Variants in ALG1 observed in about 807,000 individuals in gnomAD.
ALG1 encodes ALG1 chitobiosyldiphosphodolichol beta-mannosyltransferase.
ALG1 carries 58 observed loss-of-function variants against 55.1 expected under a neutral mutation model. The observed-to-expected ratio is 1.05, with a 90% CI of 0.85 to 1.31. ALG1 has a LOEUF of 1.31. Among genes scored for constraint, ALG1 ranks in the 50% most tolerant of loss-of-function variants. The pLI, the probability that ALG1 is intolerant of heterozygous loss-of-function variation, is 0.00. For missense variants in ALG1, 761 were observed against 598.6 expected, an observed-to-expected ratio of 1.27 and a Z score of -2.83; for synonymous variants, 309 against 247.0, an observed-to-expected ratio of 1.25 and a Z score of -2.35.
intron 1 of ALG1, 168 bp downstream of exon 1, chr16:5,072,225 G>C (rs148815333): frequency 6.6e-7 from 1 of 1,518,068 alleles, no homozygotes; most frequent in African/African-American, 1.4e-5. Context: ...TGGGTCTCTA[G>C]GTATAGCCGG....
chr16:5,082,503 G>A, intron 10 of ALG1, 56 bp from the exon 11 acceptor site: 5 of 1,570,470 alleles, frequency 3.2e-6, no homozygotes, highest in Non-Finnish European at 4.4e-6. Flanking sequence ...GTGCTGGGAG[G>A]ATTTGTGTTC....
intron 9 of ALG1, 60 bp downstream of exon 9, chr16:5,079,867 G>A (rs985646220): frequency 1.7e-5 from 26 of 1,565,050 alleles, no homozygotes; most frequent in Admixed American, 1.5e-4. Context: ...GGAGGGGCAC[G>A]CAGCCTTTAC....
At chr16:5,072,823 G>A (rs909226048) in intron 1 of ALG1, 128 bp from the exon 2 acceptor site, 4 of 903,418 alleles carry the variant, frequency 4.4e-6, no homozygotes, top group East Asian at 2.4e-5. Context: ...TGGCTAGTGA[G>A]GAGCAGAGAG....
chr16:5,072,424 C>G (rs1275175157), intron 1 of ALG1: 3 of 469,864 alleles, frequency 6.4e-6, no homozygotes, highest in Admixed American at 7.6e-5. Context: ...TCCCTCAACG[C>G]AGAGCTCTGC....
intron 12 of ALG1, among the ~76,000 whole-genome samples, chr16:5,084,130 TC>T (rs943927642): frequency 6.6e-6 from 1 of 152,166 alleles, no homozygotes; most frequent in African/African-American, 2.4e-5. Context: ...GTTACTTGTT[TC>T]TTATTGCAAA....
rs1957103569 is a variant in ALG1 at position 5,084,967 on chromosome 16, C to T, written c.*86C>T. 1 of 1,590,566 alleles carries T rather than the reference C, an allele frequency of 6.3e-7. No homozygotes were observed. Among genetic ancestry groups the T allele is most frequent in the Non-Finnish European group, 8.5e-7 (1 of 1,174,570 alleles). Reference sequence around the variant, plus strand: ...GAGTCTCAGGGCAAACCCTTTCGAGCAGCACCTCCCAGTGGCCAGAAGCTG... The same window carrying T: ...GAGTCTCAGGGCAAACCCTTTCGAGTAGCACCTCCCAGTGGCCAGAAGCTG... On this transcript the variant is annotated 3_prime_UTR_variant, in exon 13 of 13. Transcript: ENST00000262374.
rs376537060 is a variant in ALG1 at position 5,086,043 on chromosome 16, G to A, written c.*1162G>A. Among the ~76,000 whole-genome samples the A allele has an allele frequency of 1.3e-5, 2 of 152,308 alleles. No individual in the cohort carries two copies. Among genetic ancestry groups the A allele is most frequent in the East Asian group, 1.9e-4 (1 of 5,174 alleles). On this transcript the variant is annotated 3_prime_UTR_variant, in exon 13 of 13. Transcript: ENST00000262374. The stretch of plus-strand genomic sequence containing the variant: ...GAATAGTCAACCCACTCTTCACAAA[G>A]CTTAGAAAGCGGCCGGGCACAGTGG...
intron 6 of ALG1, 62 bp downstream of exon 6, chr16:5,078,079 C>T: frequency 6.4e-7 from 1 of 1,561,460 alleles, no homozygotes. Context: ...CTCTCCCCTT[C>T]TCACTGCAGA....
In ALG1 at chr16:5,072,022, T is replaced by G. The variant is rs1956825061; in HGVS notation, c.173T>G (p.Met58Arg). The stretch of plus-strand genomic sequence containing the variant: ...CAGTACCACGCGCTGTCGTTGGCCA[T>G]GCACGGCTTCTCGGTGACCCTCCTG... ...RMQYHALSLA[M>R]HGFSVTLLGF... The change falls in exon 1 of 13, where the codon ATG becomes AGG. Residue 58 changes from methionine to arginine, a missense_variant. Transcript: ENST00000262374. 1 of 1,596,848 alleles carries G rather than the reference T, an allele frequency of 6.3e-7. No individual in the cohort carries two copies. The highest frequency in any genetic ancestry group is 8.5e-7 in the Non-Finnish European group (1 of 1,171,388).
At position 5,072,992 on chromosome 16, in the gene ALG1, C is replaced by G. The variant is rs777851656; in HGVS notation, c.250C>G (p.Gln84Glu). 8.1e-6 allele frequency: 13 copies of G among 1,614,200 alleles called. No individual in the cohort carries two copies. In the South Asian group the frequency reaches 1.3e-4, roughly 16 times the overall value. The change falls in exon 2 of 13, where the codon CAG becomes GAG. Residue 84 changes from glutamine (Q) to glutamate (E), a missense_variant. By Grantham distance (29) the Gln-to-Glu change is conservative. Transcript: ENST00000262374. ...HDELLQNNRI[Q>E]IVGLTELQSL... is the part of the protein sequence containing the mutation. ...TGAGCTCTTGCAGAACAACAGAATTCAGATTGTGGGGTTGACAGAACTTCA... is the reference window on the plus strand; with the variant it reads ...TGAGCTCTTGCAGAACAACAGAATTGAGATTGTGGGGTTGACAGAACTTCA...
chr16:5,084,233 C>G, intron 12 of ALG1: 2 of 290,110 alleles, frequency 6.9e-6, no homozygotes, highest in Non-Finnish European at 6.6e-6. Flanking sequence ...TCCCCAGTCT[C>G]TGTCAGAACC....
At chr16:5,076,916 T>A (rs1956924661) in intron 4 of ALG1, among the ~76,000 whole-genome samples, 1 of 147,738 alleles carries the variant, frequency 6.8e-6, no homozygotes, top group Non-Finnish European at 1.5e-5. Flanking sequence ...TGCCTCAGCC[T>A]CCTGAGTAGC....
rs750808125 is a variant in ALG1 at position 5,077,431 on chromosome 16, A to G, written c.540-14A>G. The stretch of plus-strand genomic sequence containing the variant: ...CTGTCTAGGGCTCTGCTGACTGCTG[A>G]TCTCTCTTTTCAGGTACGAGAAGTT... On this transcript the variant is annotated splice_polypyrimidine_tract_variant and intron_variant, in intron 4 of 12. Transcript: ENST00000262374. The G allele has an allele frequency of 6.2e-7, 1 of 1,612,500 alleles. No homozygotes were observed. The highest frequency in any genetic ancestry group is 1.7e-5 in the Admixed American group (1 of 60,006).
chr16:5,072,805 C>T lies in ALG1; in HGVS notation c.209-146C>T. 3 of 838,590 alleles carry T rather than the reference C, an allele frequency of 3.6e-6. No individual in the cohort carries two copies. The Admixed American group carries it at 5.4e-5, about 15-fold the overall frequency. 51.9% of individuals were successfully genotyped at this position (838,590 alleles called of 1,614,324 possible). On this transcript the variant is annotated intron_variant, in intron 1 of 12. Coordinates refer to ENST00000262374, the MANE Select transcript of ALG1 (RefSeq NM_019109.5). ...AATCTGAACAAGAATTGGCCGCATTCTCTGTTCTGGCTAGTGAGGAGCAGA... is the reference window on the plus strand; with the variant it reads ...AATCTGAACAAGAATTGGCCGCATTTTCTGTTCTGGCTAGTGAGGAGCAGA...
At chr16:5,072,216 G>A in intron 1 of ALG1, 159 bp downstream of exon 1, 1 of 1,528,838 alleles carries the variant, frequency 6.5e-7, no homozygotes, top group Non-Finnish European at 8.8e-7. Flanking sequence ...TTTCCTGGGT[G>A]GGTCTCTAGG....
rs924785074 is a variant in ALG1, at chr16:5,084,851, G to C, written c.1365G>C (p.Gln455His). 1 of 1,596,356 alleles carries C rather than the reference G, an allele frequency of 6.3e-7. No individual in the cohort carries two copies. The highest frequency in any genetic ancestry group is 1.3e-5 in the African/African-American group (1 of 74,866). ...TCCGATGGGATGAGAGCTGGGTGCA[G>C]ACTGTGCTCCCTTTGGTTATGGACA... is the stretch of plus-strand genomic sequence containing the variant. ...QQLRWDESWV[Q>H]TVLPLVMDT is the part of the protein sequence containing the mutation. The change falls in exon 13 of 13, where the codon CAG becomes CAC. Residue 455 changes from glutamine (Q) to histidine (H), a missense_variant. Physicochemically the swap from Gln to His is conservative, Grantham distance 24. Coordinates refer to ENST00000262374, the MANE Select transcript of ALG1 (RefSeq NM_019109.5).
chr16:5,076,755 G>A (rs1244906598), intron 4 of ALG1, among the ~76,000 whole-genome samples: 1 of 151,804 alleles, frequency 6.6e-6, no homozygotes, highest in African/African-American at 2.4e-5. Flanking sequence ...GCACAGGGTG[G>A]CTGAGATCGC....
intron 4 of ALG1, among the ~76,000 whole-genome samples, chr16:5,076,114 T>C (rs540707037): frequency 1.3e-5 from 2 of 152,296 alleles, no homozygotes; most frequent in Admixed American, 6.5e-5. Flanking sequence ...GGGCCAGTGG[T>C]AGCAGTGGGA....
At chr16:5,082,783 C>T (rs1259719824) in intron 11 of ALG1, 110 bp downstream of exon 11, 30 of 1,286,734 alleles carry the variant, frequency 2.3e-5, no homozygotes, top group East Asian at 1.9e-4. Context: ...TCGGTCAGTC[C>T]GGCACACACT....
Sources: allele counts gnomAD v4.1 joint callset (sites outside exome capture counted in the v4.1 genomes callset), GRCh38; gene constraint gnomAD v4.1.1; transcripts MANE v1.5; gene names NCBI Gene and HGNC (gene_info 2026-07-23, HGNC 2026-07-21).